The following PLCB4 variants were observed in gnomAD, a reference collection of about 807,000 sequenced individuals.
PLCB4 encodes phospholipase C beta 4, also known as 1-phosphatidylinositol 4,5-bisphosphate phosphodiesterase beta-4.
In PLCB4, 77 loss-of-function variants were observed where a neutral mutation model predicts 178.8. The observed-to-expected ratio is 0.43, with a 90% CI of 0.36 to 0.52. The LOEUF (loss-of-function observed/expected upper bound fraction) is 0.52. Ranked by LOEUF, PLCB4 falls within the 20% of genes least tolerant of loss-of-function variation. The probability of loss-of-function intolerance (pLI) is 0.00; values close to 1 mark genes in which losing one functional copy is unlikely to be tolerated. For synonymous variants in PLCB4, 496 were observed against 490.8 expected, an observed-to-expected ratio of 1.01 and a Z score of -0.14; for missense variants, 1,024 against 1,453.4, an observed-to-expected ratio of 0.70 and a Z score of 4.80.
chr20:9,293,093 AAAAG>A (rs1158861571), intron 3 of PLCB4, among the ~76,000 whole-genome samples: 1 of 151,538 alleles, frequency 6.6e-6, no homozygotes, highest in Admixed American at 6.6e-5. Flanking sequence ...GAAAGAAAGA[AAAAG>A]AGAGAGAGAC....
At chr20:9,134,178 G>T (rs140830570) in intron 2 of PLCB4, among the ~76,000 whole-genome samples, 55 of 152,196 alleles carry the variant, frequency 3.6e-4, no homozygotes, top group African/African-American at 1.1e-3. Context: ...TGGTATAATT[G>T]GTCTTCCTGA....
At chr20:9,269,791 A>T (rs1297545808) in intron 3 of PLCB4, among the ~76,000 whole-genome samples, 1 of 152,204 alleles carries the variant, frequency 6.6e-6, no homozygotes, top group African/African-American at 2.4e-5. Context: ...TGTTGTAGCC[A>T]TCACTGGACT....
intron 3 of PLCB4, among the ~76,000 whole-genome samples, chr20:9,271,024 G>A (rs752974507): frequency 1.3e-5 from 2 of 152,094 alleles, no homozygotes; most frequent in Non-Finnish European, 2.9e-5. Context: ...TGCAGCAGGA[G>A]AAAGCATTGC....
At chr20:9,478,758 A>G (rs1333572813) in intron 39 of PLCB4, among the ~76,000 whole-genome samples, 163 bp from the exon 40 acceptor site, 1 of 152,160 alleles carries the variant, frequency 6.6e-6, no homozygotes, top group Non-Finnish European at 1.5e-5. Flanking sequence ...TACGTTTCTA[A>G]GAAGGTCCCA....
chr20:9,081,650 G>C lies in PLCB4; in HGVS notation c.-135+12444G>C, dbSNP rs2090150107. On this transcript the variant is annotated intron_variant, in intron 1 of 39. Coordinates refer to ENST00000378473, the MANE Select transcript of PLCB4 (RefSeq NM_001377142.1). Reference sequence around the variant, plus strand: ...CACAGCATGACTCTCTTGGGAAATGGAACAATCTGGTGCATATTAGTGACT... The same window carrying C: ...CACAGCATGACTCTCTTGGGAAATGCAACAATCTGGTGCATATTAGTGACT... Among the ~76,000 whole-genome samples, 6 of 151,590 alleles carry C rather than the reference G, an allele frequency of 4.0e-5. No homozygotes were observed. In the South Asian group the frequency reaches 1.3e-3, roughly 32 times the overall value.
intron 3 of PLCB4, among the ~76,000 whole-genome samples, chr20:9,298,281 A>T (rs1490092536): frequency 6.6e-6 from 1 of 152,098 alleles, no homozygotes; most frequent in African/African-American, 2.4e-5. Flanking sequence ...ACATAGAAAT[A>T]TACGATTATC....
rs571857997 is a variant in PLCB4 at position 9,092,970 on chromosome 20, G to T, written c.-134-3317G>T. ...TATATTGGCTCGTAACGCTATAAAT[G>T]TTGGCTAAACAAATAGCTATAGCCA... On this transcript the variant is annotated intron_variant, in intron 1 of 39. Coordinates refer to ENST00000378473, the MANE Select transcript of PLCB4 (RefSeq NM_001377142.1). Among the ~76,000 whole-genome samples, 99 of 152,196 alleles carry T rather than the reference G, an allele frequency of 6.5e-4. 1 individual carries two copies. Among genetic ancestry groups the T allele is most frequent in the African/African-American group, 2.3e-3 (94 of 41,534 alleles).
chr20:9,083,412 C>G (rs1439518175), intron 1 of PLCB4, among the ~76,000 whole-genome samples: 1 of 152,082 alleles, frequency 6.6e-6, no homozygotes, highest in Non-Finnish European at 1.5e-5. Context: ...GTGCTTGAGC[C>G]ACACTGTGGA....
chr20:9,305,981 C>G (rs924425308), intron 3 of PLCB4, among the ~76,000 whole-genome samples: 3 of 152,084 alleles, frequency 2.0e-5, no homozygotes, highest in Non-Finnish European at 4.4e-5. Flanking sequence ...ATCTTTTTCC[C>G]CCATTTATAC....
Position 9,364,103 on chromosome 20 carries a change from T to G in PLCB4, c.449+1128T>G, listed in dbSNP as rs77878723. On this transcript the variant is annotated intron_variant, in intron 8 of 39. Transcript: ENST00000378473. The stretch of plus-strand genomic sequence containing the variant: ...ATCCCTCCAATTTTCTTTCACCCTT[T>G]TAGTGGAGGAAAGTTATTTAGTCTT... Among the ~76,000 whole-genome samples the G allele has an allele frequency of 5.3e-3, 811 of 152,340 alleles. 3 individuals are homozygous for G. Among genetic ancestry groups the G allele is most frequent in the African/African-American group, 0.018 (765 of 41,576 alleles).
intron 4 of PLCB4, among the ~76,000 whole-genome samples, chr20:9,327,754 T>C (rs1439706242): frequency 6.6e-6 from 1 of 151,976 alleles, no homozygotes; most frequent in Non-Finnish European, 1.5e-5. Context: ...CCAGCCTGGG[T>C]GACAGAGCGA....
intron 2 of PLCB4, among the ~76,000 whole-genome samples, chr20:9,159,319 G>A (rs572159285): frequency 6.6e-6 from 1 of 152,160 alleles, no homozygotes; most frequent in Non-Finnish European, 1.5e-5. Flanking sequence ...TCAAGTACAT[G>A]TTGGAGACCA....
chr20:9,144,266 C>G (rs2092551217), intron 2 of PLCB4, among the ~76,000 whole-genome samples: 1 of 152,044 alleles, frequency 6.6e-6, no homozygotes, highest in South Asian at 2.1e-4. Context: ...TACTGTGTTT[C>G]CTGGTATGAC....
At chr20:9,102,511 G>C (rs2091195615) in intron 2 of PLCB4, among the ~76,000 whole-genome samples, 1 of 152,170 alleles carries the variant, frequency 6.6e-6, no homozygotes, top group African/African-American at 2.4e-5. Context: ...TTGCTTTTTA[G>C]TTTACTGTGT....
chr20:9,196,993 G>A (rs1435871292), intron 2 of PLCB4, among the ~76,000 whole-genome samples: 1 of 152,188 alleles, frequency 6.6e-6, no homozygotes, highest in Non-Finnish European at 1.5e-5. Context: ...GATGCTCAGT[G>A]TAGTAAGAAA....
chr20:9,473,577 A>T (rs142822775), intron 38 of PLCB4, among the ~76,000 whole-genome samples: 23 of 152,354 alleles, frequency 1.5e-4, no homozygotes, highest in African/African-American at 5.3e-4. Context: ...GTGCCAAAAA[A>T]AGAATATTTG....
intron 3 of PLCB4, among the ~76,000 whole-genome samples, chr20:9,285,761 G>T (rs954659821): frequency 1.3e-5 from 2 of 152,022 alleles, no homozygotes; most frequent in African/African-American, 4.8e-5. Flanking sequence ...GCATTCTACT[G>T]TCTGGTAAAC....
intron 7 of PLCB4, among the ~76,000 whole-genome samples, chr20:9,345,064 C>T (rs1170332921): frequency 6.6e-6 from 1 of 152,108 alleles, no homozygotes; most frequent in Non-Finnish European, 1.5e-5. Context: ...TGGCAGATGC[C>T]TGTAATCCCA....
At chr20:9,156,091 G>C (rs1410620900) in intron 2 of PLCB4, among the ~76,000 whole-genome samples, 4 of 152,110 alleles carry the variant, frequency 2.6e-5, no homozygotes, top group Non-Finnish European at 4.4e-5. Flanking sequence ...AAAAAATTAT[G>C]ATGGTCACTA....
Sources: gnomAD v4.1 joint callset for allele counts (sites outside exome capture counted in the v4.1 genomes callset) on GRCh38, gnomAD v4.1.1 for gene constraint, MANE v1.5 for transcripts, NCBI Gene and HGNC (gene_info 2026-07-23, HGNC 2026-07-21) for gene names.